RNLS: variants seen among roughly 807,000 people sequenced by gnomAD.
RNLS encodes the protein renalase, FAD dependent amine oxidase, also known as renalase.
In RNLS, 39 loss-of-function variants were observed where a neutral mutation model predicts 39.8. The observed-to-expected ratio is 0.98, with a 90% CI of 0.76 to 1.28. The LOEUF (loss-of-function observed/expected upper bound fraction) is 1.28, where lower values mean the gene tolerates loss of function less well. RNLS is among the 50% of genes most tolerant of loss of function. The probability of loss-of-function intolerance (pLI) is 0.00; values close to 1 mark genes in which losing one functional copy is unlikely to be tolerated. For missense variants in RNLS, 410 were observed against 413.3 expected (o/e 0.99, Z 0.07); for synonymous variants, 147 against 150.7 (o/e 0.98, Z 0.18).
the RNLS span, among the ~76,000 whole-genome samples, chr10:88,266,574 G>C: frequency 6.6e-6 from 1 of 152,066 alleles, no homozygotes; most frequent in Non-Finnish European, 1.5e-5. Context: ...CAAGCCAACA[G>C]TCTAGAAGTT....
At chr10:88,494,774 C>G (rs1316683785) in intron 4 of RNLS, among the ~76,000 whole-genome samples, 3 of 152,042 alleles carry the variant, frequency 2.0e-5, no homozygotes, top group Non-Finnish European at 4.4e-5. Context: ...TAGGTGCCTG[C>G]CAAATTTAGT....
chr10:88,233,183 A>G, the RNLS span, among the ~76,000 whole-genome samples: 2 of 152,234 alleles, frequency 1.3e-5, no homozygotes, highest in Non-Finnish European at 2.9e-5. Flanking sequence ...GCAAGCAATT[A>G]GCGAAAGCAG....
At chr10:88,310,020 C>T (rs927452060) in intron 6 of RNLS, among the ~76,000 whole-genome samples, 14 of 152,152 alleles carry the variant, frequency 9.2e-5, no homozygotes, top group Admixed American at 3.3e-4. Context: ...CAAGACCAGC[C>T]TCAGCAACAT....
intron 6 of RNLS, among the ~76,000 whole-genome samples, chr10:88,310,310 T>C (rs1208556103): frequency 1.3e-5 from 2 of 152,222 alleles, no homozygotes; most frequent in Admixed American, 1.3e-4. Context: ...ACTCTTGATT[T>C]ATTCAGGTAA....
rs1554854327 is a variant in RNLS, at chr10:88,310,824, A to AAG, written c.876+3641_876+3642insCT. ...GCCAAAAAAAAAAAAAAAAAAAAAA[A>AAG]AAAGAAAGAAAAGGAAGAGAAAAGG... is the stretch of plus-strand genomic sequence containing the variant. On this transcript the variant is annotated intron_variant, in intron 6 of 6. Transcript: ENST00000331772. Among the ~76,000 whole-genome samples, 26 of 113,408 alleles carry AAG rather than the reference A, an allele frequency of 2.3e-4. 1 individual carries two copies. Among genetic ancestry groups the AAG allele is most frequent in the Non-Finnish European group, 4.4e-4 (23 of 52,462 alleles). 74.4% of individuals were successfully genotyped at this position (113,408 alleles called of 152,430 possible).
the RNLS span, among the ~76,000 whole-genome samples, chr10:88,230,723 A>C: frequency 6.6e-6 from 1 of 152,220 alleles, no homozygotes; most frequent in African/African-American, 2.4e-5. Flanking sequence ...CTATTATTTG[A>C]GACATCTTAG....
At chr10:88,216,677 A>G in the RNLS span, among the ~76,000 whole-genome samples, 6 of 152,206 alleles carry the variant, frequency 3.9e-5, no homozygotes, top group Admixed American at 6.5e-5. Flanking sequence ...AAGTGGCTCA[A>G]CCCCTCAAGA....
the RNLS span, among the ~76,000 whole-genome samples, chr10:88,219,572 C>T: frequency 3.8e-4 from 58 of 152,244 alleles, 2 homozygotes; most frequent in East Asian, 6.6e-3. Flanking sequence ...TCAGGAAGGG[C>T]ACATCAGCCA....
At chr10:88,323,949 G>C (rs1333088667) in intron 5 of RNLS, among the ~76,000 whole-genome samples, 3 of 152,092 alleles carry the variant, frequency 2.0e-5, no homozygotes, top group African/African-American at 7.2e-5. Context: ...CTCAAAAGAA[G>C]ACATACAAGC....
chr10:88,416,627 C>T (rs1854046089), intron 4 of RNLS, among the ~76,000 whole-genome samples: 1 of 152,054 alleles, frequency 6.6e-6, no homozygotes, highest in African/African-American at 2.4e-5. Context: ...ATATGTGTTT[C>T]TTTCTTCAAA....
chr10:88,333,872 C>T (rs1847298561), intron 5 of RNLS, among the ~76,000 whole-genome samples: 1 of 152,146 alleles, frequency 6.6e-6, no homozygotes, highest in Non-Finnish European at 1.5e-5. Flanking sequence ...TGTGAGGATG[C>T]AGCAAGAAGT....
chr10:88,375,285 A>G (rs1850888381), intron 4 of RNLS, among the ~76,000 whole-genome samples: 1 of 152,164 alleles, frequency 6.6e-6, no homozygotes, highest in Non-Finnish European at 1.5e-5. Context: ...GGGACAAGAA[A>G]AACCACATTC....
intron 4 of RNLS, among the ~76,000 whole-genome samples, chr10:88,475,328 T>A (rs936709439): frequency 1.3e-5 from 2 of 152,158 alleles, no homozygotes; most frequent in African/African-American, 2.4e-5. Context: ...TGGAACTGAG[T>A]GTTCTGGCTA....
chr10:88,441,385 G>C (rs1321402350), intron 4 of RNLS, among the ~76,000 whole-genome samples: 2 of 152,198 alleles, frequency 1.3e-5, no homozygotes, highest in South Asian at 2.1e-4. Flanking sequence ...GATGATTAAA[G>C]AATGAGAGGA....
chr10:88,286,283 A>C (rs1843263497), intron 6 of RNLS, among the ~76,000 whole-genome samples: 1 of 152,104 alleles, frequency 6.6e-6, no homozygotes, highest in Non-Finnish European at 1.5e-5. Flanking sequence ...CTTGTCCTTA[A>C]GGAAATTTCA....
intron 4 of RNLS, among the ~76,000 whole-genome samples, chr10:88,442,168 G>A (rs142107715): frequency 4.6e-5 from 7 of 152,310 alleles, no homozygotes; most frequent in African/African-American, 1.7e-4. Flanking sequence ...TCTCTTATAT[G>A]TAGGATAATA....
intron 4 of RNLS, among the ~76,000 whole-genome samples, chr10:88,419,028 G>A (rs758568480): frequency 6.5e-4 from 99 of 152,240 alleles, no homozygotes; most frequent in Non-Finnish European, 1.1e-3. Flanking sequence ...CCCAATTTGC[G>A]CAGAGTTGCT....
the RNLS span, among the ~76,000 whole-genome samples, chr10:88,215,717 G>A: frequency 3.7e-4 from 30 of 80,720 alleles, no homozygotes; most frequent in East Asian, 7.6e-3. Context: ...TTTTTTTTCC[G>A]AGATGGAGTT....
chr10:88,215,848 C>T, the RNLS span, among the ~76,000 whole-genome samples: 15 of 151,732 alleles, frequency 9.9e-5, no homozygotes, highest in African/African-American at 2.9e-4. Flanking sequence ...TACAGGTGCA[C>T]GCCACCATGC....
Sources: gnomAD v4.1 joint callset for allele counts (sites outside exome capture counted in the v4.1 genomes callset) on GRCh38, gnomAD v4.1.1 for gene constraint, MANE v1.5 for transcripts, NCBI Gene and HGNC (gene_info 2026-07-23, HGNC 2026-07-21) for gene names.